The following CADM1 variants were observed in gnomAD, a reference collection of about 807,000 sequenced individuals.
CADM1 encodes cell adhesion molecule 1.
In CADM1, 15 loss-of-function variants were observed where a neutral mutation model predicts 53.1. The ratio of observed to expected loss-of-function variants is 0.28; its 90% CI spans 0.19 to 0.44. The LOEUF (loss-of-function observed/expected upper bound fraction) is 0.44, where lower values mean the gene tolerates loss of function less well. Among genes scored for constraint, CADM1 ranks in the 20% least tolerant of loss-of-function variants. CADM1 has a pLI of 1.00. For synonymous variants in CADM1, 281 were observed against 243.0 expected (o/e 1.16, Z -1.45); for missense variants, 434 against 611.3 (o/e 0.71, Z 3.06).
intron 5 of CADM1, among the ~76,000 whole-genome samples, chr11:115,222,217 G>A (rs1941433062): frequency 1.3e-5 from 2 of 152,144 alleles, no homozygotes; most frequent in South Asian, 4.1e-4. Context: ...TTCAAGTGAG[G>A]AAGCATTGAC....
At chr11:115,369,025 C>CAAAAAAAAA (rs1946243703) in intron 1 of CADM1, among the ~76,000 whole-genome samples, 2 of 7,500 alleles carry the variant, frequency 2.7e-4, no homozygotes, top group Non-Finnish European at 7.3e-4. Flanking sequence ...GAAAAAAAAT[C>CAAAAAAAAA]TAAAAAAAAA....
intron 1 of CADM1, among the ~76,000 whole-genome samples, chr11:115,412,676 TGCC>T (rs1947488003): frequency 6.6e-6 from 1 of 152,162 alleles, no homozygotes; most frequent in South Asian, 2.1e-4. Context: ...GCCACTTTTG[TGCC>T]GACTACCTCA....
At chr11:115,192,164 G>C (rs2134648357) in intron 9 of CADM1, among the ~76,000 whole-genome samples, 1 of 152,344 alleles carries the variant, frequency 6.6e-6, no homozygotes, top group African/African-American at 2.4e-5. Flanking sequence ...AATGATCACT[G>C]AAGCCTGCAT....
At position 115,222,933 on chromosome 11, in the gene CADM1, G is replaced by C. The variant is rs559321470; in HGVS notation, c.722-4942C>G. ...CCCTATAGCAAGATTTTCTGTACAA[G>C]AATCTTCCCTCTGTAACAAGAGAGG... is the stretch of plus-strand genomic sequence containing the variant. On this transcript the variant is annotated intron_variant, in intron 5 of 11. Transcript: ENST00000331581. Among the ~76,000 whole-genome samples, 4 of 152,200 alleles carry C rather than the reference G, an allele frequency of 2.6e-5. No homozygotes were observed. The East Asian group carries it at 7.7e-4, about 29-fold the overall frequency.
chr11:115,377,123 T>C (rs1029264026), intron 1 of CADM1: 1 of 152,186 alleles, frequency 6.6e-6, no homozygotes, highest in Non-Finnish European at 1.5e-5. Flanking sequence ...TTTTAATTAT[T>C]AATTGACCGT....
At chr11:115,211,678 A>T in intron 7 of CADM1, among the ~76,000 whole-genome samples, 1 of 146,420 alleles carries the variant, frequency 6.8e-6, no homozygotes, top group South Asian at 2.2e-4. Context: ...TTTAGTAGAG[A>T]CGGGGTTTCA....
Position 115,198,424 on chromosome 11 carries a change from T to C in CADM1, c.1093A>G (p.Thr365Ala), listed in dbSNP as rs780744790. The change falls in exon 9 of 12, where the codon ACA becomes GCA. Residue 365 changes from threonine to alanine, a missense_variant. Transcript: ENST00000331581. The stretch of plus-strand genomic sequence containing the variant: ...TACCAACCGTGAACTGCTGGTTCTG[T>C]CGTCGCCGTTGTGTCTACAGACGGG... Reference protein sequence around the residue: ...LTIITDTTATTEPAVHGLTQL... With the variant: ...LTIITDTTATAEPAVHGLTQL... 1.3e-5 allele frequency: 20 copies of C among 1,595,704 alleles called. No individual in the cohort carries two copies. In the Middle Eastern group the frequency reaches 4.9e-4, roughly 39 times the overall value.
intron 1 of CADM1, among the ~76,000 whole-genome samples, chr11:115,501,496 T>A (rs764444925): frequency 3.5e-4 from 53 of 152,142 alleles, no homozygotes; most frequent in Non-Finnish European, 6.8e-4. Flanking sequence ...GTAAACAACA[T>A]CATGCATGCA....
At chr11:115,480,618 A>C (rs1261445883) in intron 1 of CADM1, among the ~76,000 whole-genome samples, 1 of 152,138 alleles carries the variant, frequency 6.6e-6, no homozygotes, top group Non-Finnish European at 1.5e-5. Flanking sequence ...TCAGACAAGG[A>C]TAATCAGCAC....
chr11:115,282,152 C>T (rs547873987), intron 1 of CADM1, among the ~76,000 whole-genome samples: 9 of 152,260 alleles, frequency 5.9e-5, no homozygotes, highest in African/African-American at 2.2e-4. Flanking sequence ...GAACCAAGTA[C>T]TATGGTGATG....
At chr11:115,466,449 C>T (rs994969621) in intron 1 of CADM1, among the ~76,000 whole-genome samples, 2 of 152,186 alleles carry the variant, frequency 1.3e-5, no homozygotes, top group Admixed American at 6.5e-5. Context: ...ATTAGCAAAA[C>T]CAGCTGTCAC....
chr11:115,474,152 G>A (rs560980471), intron 1 of CADM1, among the ~76,000 whole-genome samples: 17 of 151,554 alleles, frequency 1.1e-4, no homozygotes, highest in East Asian at 9.7e-4. Flanking sequence ...AAATACAGGC[G>A]TGGTGGTGGG....
chr11:115,337,491 T>A (rs1488480168), intron 1 of CADM1, among the ~76,000 whole-genome samples: 1 of 152,086 alleles, frequency 6.6e-6, no homozygotes, highest in Non-Finnish European at 1.5e-5. Context: ...CTCCTTTCTG[T>A]GTATTGAGAT....
intron 1 of CADM1, among the ~76,000 whole-genome samples, chr11:115,244,892 G>A (rs1330256071): frequency 6.6e-6 from 1 of 152,132 alleles, no homozygotes; most frequent in Non-Finnish European, 1.5e-5. Flanking sequence ...TCAGTGCTCG[G>A]CACTCTGCCC....
intron 1 of CADM1, among the ~76,000 whole-genome samples, chr11:115,418,710 G>A (rs1947675492): frequency 6.6e-6 from 1 of 152,030 alleles, no homozygotes; most frequent in Non-Finnish European, 1.5e-5. Context: ...CACATTAAAG[G>A]ACCAACCAAA....
At chr11:115,181,621 C>T (rs1202423067) in intron 10 of CADM1, among the ~76,000 whole-genome samples, 1 of 152,222 alleles carries the variant, frequency 6.6e-6, no homozygotes, top group East Asian at 1.9e-4. Context: ...CCTCTTCCCA[C>T]CCCCACTCCC....
chr11:115,276,894 CCT>C (rs45516305), intron 1 of CADM1, among the ~76,000 whole-genome samples: 3,054 of 152,216 alleles, frequency 0.02, 45 homozygotes, highest in Non-Finnish European at 0.032. Context: ...TCATCTGTCC[CCT>C]GTTTCTTCCC....
At chr11:115,197,895 A>G (rs1207304020) in intron 9 of CADM1, among the ~76,000 whole-genome samples, 1 of 152,146 alleles carries the variant, frequency 6.6e-6, no homozygotes, top group Non-Finnish European at 1.5e-5. Flanking sequence ...GACCTTTCTA[A>G]AGAAGAACAA....
intron 1 of CADM1, among the ~76,000 whole-genome samples, chr11:115,416,698 TACACACACACACACAC>T (rs34112529): frequency 1.4e-5 from 2 of 141,376 alleles, no homozygotes; most frequent in Non-Finnish European, 3.1e-5. Context: ...AAGGATTAAA[TACACACACACACACAC>T]ACACACACAC....
Sources: gnomAD v4.1 joint callset for allele counts (sites outside exome capture counted in the v4.1 genomes callset) on GRCh38, gnomAD v4.1.1 for gene constraint, MANE v1.5 for transcripts, NCBI Gene and HGNC (gene_info 2026-07-23, HGNC 2026-07-21) for gene names.